The following B4GALNT4 variants were observed in gnomAD, a reference collection of about 807,000 sequenced individuals.
B4GALNT4 encodes beta-1,4-N-acetyl-galactosaminyltransferase 4.
Under a neutral mutation model 110.0 loss-of-function variants are expected in B4GALNT4, and 77 were observed. That is an observed-to-expected ratio of 0.70 (90% CI 0.58 to 0.85). B4GALNT4 has a LOEUF of 0.85. Ranked by LOEUF, B4GALNT4 falls within the 40% of genes least tolerant of loss-of-function variation. B4GALNT4 has a pLI of 0.00. For missense variants in B4GALNT4, 1,575 were observed against 1,506.0 expected (o/e 1.05, Z -0.76); for synonymous variants, 785 against 655.5 (o/e 1.20, Z -3.02).
rs758821621 is a variant in B4GALNT4 at position 375,478 on chromosome 11, C to T, written c.801C>T (p.Pro267=). 3.2e-5 allele frequency: 52 copies of T among 1,611,890 alleles called. No individual in the cohort carries two copies. Among genetic ancestry groups the T allele is most frequent in the Middle Eastern group, 1.7e-4 (1 of 6,014 alleles). The change falls in exon 9 of 20, where the codon CCC becomes CCT. Residue 267 remains proline, a synonymous_variant. Transcript: ENST00000329962. ...HVEVGWRAFL[P]GLKFEVISSA... ...CCCCGCAGTGGCGAGCTTTCCTGCC[C>T]GGCCTGAAGTTCGAGGTCATCAGCT...
At position 376,877 on chromosome 11, in the gene B4GALNT4, C is replaced by T; in HGVS notation, c.1754C>T (p.Thr585Ile). 7.5e-7 allele frequency: 1 copy of T among 1,336,078 alleles called. No homozygotes were observed. The highest frequency in any genetic ancestry group is 9.6e-7 in the Non-Finnish European group (1 of 1,046,492). The allele number at this position is 1,336,078 out of a possible 1,614,324, so 82.8% of individuals were successfully genotyped here. A position where few individuals can be genotyped will look rare whatever the true frequency, so the allele number is the denominator to read the frequency against. ...CGCAGGACCGGCGGCCCCCAGGCCA[C>T]ACAGCCGAGGCCCCCAGCCCGGGCG... is the stretch of plus-strand genomic sequence containing the variant. ...HGRRTGGPQA[T>I]QPRPPARAQA... is the part of the protein sequence containing the mutation. Residue 585 changes from threonine to isoleucine, a missense_variant, in exon 14 of 20, where the codon ACA (threonine) becomes ATA (isoleucine). By Grantham distance (89) the Thr-to-Ile change is moderately conservative. Transcript: ENST00000329962.
chr11:371,424 A>C (rs1179529858), intron 1 of B4GALNT4, among the ~76,000 whole-genome samples: 1 of 152,142 alleles, frequency 6.6e-6, no homozygotes, highest in Non-Finnish European at 1.5e-5. Context: ...CTGAGGACCT[A>C]GACATCCCCA....
chr11:376,663 C>A lies in B4GALNT4; in HGVS notation c.1540C>A (p.Pro514Thr). The change falls in exon 14 of 20, where the codon CCG (proline) becomes ACG (threonine). Residue 514 changes from proline (P) to threonine (T), a missense_variant. Coordinates refer to ENST00000329962, the MANE Select transcript of B4GALNT4 (RefSeq NM_178537.5). ...GCTCTTCTTGGGCCGAGCTCCGCCC[C>A]CGCGCCCTGCAGTGGAGCAGCCGCC... ...LPLFLGRAPPPRPAVEQPPPK... is the reference protein window; with the variant it reads ...LPLFLGRAPPTRPAVEQPPPK... The A allele has an allele frequency of 7.0e-7, 1 of 1,429,750 alleles. No individual in the cohort carries two copies. The highest frequency in any genetic ancestry group is 9.1e-7 in the Non-Finnish European group (1 of 1,094,958). 88.6% of individuals were successfully genotyped at this position (1,429,750 alleles called of 1,614,324 possible). A position where few individuals can be genotyped will look rare whatever the true frequency, so the allele number is the denominator to read the frequency against.
Position 381,900 on chromosome 11 carries a change from G to A in B4GALNT4, c.*108G>A. Reference sequence around the variant, plus strand: ...CGGCAGGGCTGGTCAGAGGGGCACAGCCACCGCCTGTGCCTGCCCCTCTCT... The same window carrying A: ...CGGCAGGGCTGGTCAGAGGGGCACAACCACCGCCTGTGCCTGCCCCTCTCT... On this transcript the variant is annotated 3_prime_UTR_variant, in exon 20 of 20. Transcript: ENST00000329962. 7.7e-7 allele frequency: 1 copy of A among 1,303,364 alleles called. No homozygotes were observed. The highest frequency in any genetic ancestry group is 1.0e-6 in the Non-Finnish European group (1 of 1,000,098). The allele number at this position is 1,303,364 out of a possible 1,614,324, so 80.7% of individuals were successfully genotyped here. A position where few individuals can be genotyped will look rare whatever the true frequency, so the allele number is the denominator to read the frequency against.
chr11:373,128 A>G lies in B4GALNT4; in HGVS notation c.535+12A>G. The G allele has an allele frequency of 6.2e-7, 1 of 1,612,266 alleles. No homozygotes were observed. Among genetic ancestry groups the G allele is most frequent in the Middle Eastern group, 1.7e-4 (1 of 6,060 alleles). On this transcript the variant is annotated intron_variant, in intron 5 of 19. Transcript: ENST00000329962. ...CCCGGCGAGGGACGGTACGGGGGTG[A>G]GGGTGCCCCGGGGGAGGGGTGCCGT...
intron 15 of B4GALNT4, 56 bp downstream of exon 15, chr11:379,757 T>G (rs1846833593): frequency 6.6e-7 from 1 of 1,504,836 alleles, no homozygotes; most frequent in Non-Finnish European, 8.9e-7. Flanking sequence ...ACATGGACCC[T>G]AATGACTAGG....
Position 379,934 on chromosome 11 carries a change from G to T in B4GALNT4, c.2557G>T (p.Asp853Tyr), listed in dbSNP as rs1846838451. 1.9e-6 allele frequency: 3 copies of T among 1,611,690 alleles called. No homozygotes were observed. Among genetic ancestry groups the T allele is most frequent in the African/African-American group, 1.3e-5 (1 of 75,068 alleles). Residue 853 changes from aspartate (D) to tyrosine (Y), a missense_variant, in exon 16 of 20, where the codon GAC (aspartate) becomes TAC (tyrosine). By Grantham distance (160) the Asp-to-Tyr change is radical. Transcript: ENST00000329962. ...DMAALHARTGDSRFSVVLVDF... is the reference protein window; with the variant it reads ...DMAALHARTGYSRFSVVLVDF... The stretch of plus-strand genomic sequence containing the variant: ...GGCTGCGCTGCACGCGCGCACCGGG[G>T]ACTCGCGTTTCAGCGTCGTCCTGGT...
rs756436207 is a variant in B4GALNT4 at position 376,181 on chromosome 11, G to A, written c.1196+7G>A. 2.5e-6 allele frequency: 4 copies of A among 1,606,882 alleles called. No homozygotes were observed. The highest frequency in any genetic ancestry group is 2.2e-5 in the South Asian group (2 of 90,734). On this transcript the variant is annotated splice_region_variant and intron_variant, in intron 12 of 19. Transcript: ENST00000329962. ...CTCCGCTGTATCTGGAGAGGTGGGC[G>A]CGCGGCCGGGCTAATGCGGGGCGGG...
In B4GALNT4 at chr11:380,322, C is replaced by A. The variant is rs74444859; in HGVS notation, c.2746C>A (p.Leu916Met). ...DASSIVFLCD[L>M]HIHFPPNILD... ...CAGCAGCATCGTGTTCCTCTGCGAC[C>A]TGCACATCCACTTCCCACCCAACAT... The change falls in exon 18 of 20, where the codon CTG (leucine) becomes ATG (methionine). Residue 916 changes from leucine to methionine, a missense_variant. Leu to Met is a conservative substitution (Grantham distance 15, BLOSUM62 2). Transcript: ENST00000329962. 1 of 1,613,336 alleles carries A rather than the reference C, an allele frequency of 6.2e-7. No homozygotes were observed.
chr11:372,247 G>A (rs962142797), intron 2 of B4GALNT4, 35 bp downstream of exon 2: 9 of 1,535,712 alleles, frequency 5.9e-6, no homozygotes, highest in Non-Finnish European at 2.6e-6. Flanking sequence ...CGTGTGCACG[G>A]AGACGAGACC....
At position 369,716 on chromosome 11, in the gene B4GALNT4, C is replaced by A. The variant is rs1846574686; in HGVS notation, c.-88C>A. The A allele has an allele frequency of 3.0e-6, 2 of 658,448 alleles. No homozygotes were observed. Among genetic ancestry groups the A allele is most frequent in the Non-Finnish European group, 3.7e-6 (2 of 536,844 alleles). The allele number at this position is 658,448 out of a possible 1,614,324, so 40.8% of individuals were successfully genotyped here. On this transcript the variant is annotated 5_prime_UTR_variant, in exon 1 of 20. Transcript: ENST00000329962. ...GCCGCGGGCGCTGAGCGCGGCGGGGCGGGCCGGGGATGCGGCGCGGGGCGG... is the reference window on the plus strand; with the variant it reads ...GCCGCGGGCGCTGAGCGCGGCGGGGAGGGCCGGGGATGCGGCGCGGGGCGG...
rs1846575658 is a variant in B4GALNT4, at chr11:369,761, G to A, written c.-43G>A. On this transcript the variant is annotated 5_prime_UTR_variant, in exon 1 of 20. Coordinates refer to ENST00000329962, the MANE Select transcript of B4GALNT4 (RefSeq NM_178537.5). ...GGGCGGGCGGGGGCCGGGGGCTGCA[G>A]CGGCGCCGCTGAGCGCGGCCTGGGG... The A allele has an allele frequency of 5.3e-6, 5 of 950,916 alleles. No individual in the cohort carries two copies. The highest frequency in any genetic ancestry group is 6.2e-6 in the Non-Finnish European group (5 of 802,362). 58.9% of individuals were successfully genotyped at this position (950,916 alleles called of 1,614,324 possible).
At position 375,319 on chromosome 11, in the gene B4GALNT4, C is replaced by G. The variant is rs1190960584; in HGVS notation, c.784-142C>G. On this transcript the variant is annotated intron_variant, in intron 8 of 19. Transcript: ENST00000329962. ...CCCTGCTGCCCCTTCTTGGAACGCCCCGGACCCCTCTGCCATCTCCTCTCC... is the reference window on the plus strand; with the variant it reads ...CCCTGCTGCCCCTTCTTGGAACGCCGCGGACCCCTCTGCCATCTCCTCTCC... 16 of 877,008 alleles carry G rather than the reference C, an allele frequency of 1.8e-5. No individual in the cohort carries two copies. In the East Asian group the frequency reaches 2.7e-4, roughly 15 times the overall value. 54.3% of individuals were successfully genotyped at this position (877,008 alleles called of 1,614,324 possible).
Position 376,871 on chromosome 11 carries a change from A to G in B4GALNT4, c.1748A>G (p.Gln583Arg). The G allele has an allele frequency of 1.5e-6, 2 of 1,331,618 alleles. No individual in the cohort carries two copies. Among genetic ancestry groups the G allele is most frequent in the South Asian group, 2.0e-5 (1 of 50,574 alleles). 82.5% of individuals were successfully genotyped at this position (1,331,618 alleles called of 1,614,324 possible). A position where few individuals can be genotyped will look rare whatever the true frequency, so the allele number is the denominator to read the frequency against. The change falls in exon 14 of 20, where the codon CAG (glutamine) becomes CGG (arginine). Residue 583 changes from glutamine (Q) to arginine (R), a missense_variant. Transcript: ENST00000329962. Reference protein sequence around the residue: ...RPHGRRTGGPQATQPRPPARA... With the variant: ...RPHGRRTGGPRATQPRPPARA... Reference sequence around the variant, plus strand: ...CACGGCCGCAGGACCGGCGGCCCCCAGGCCACACAGCCGAGGCCCCCAGCC... The same window carrying G: ...CACGGCCGCAGGACCGGCGGCCCCCGGGCCACACAGCCGAGGCCCCCAGCC...
intron 2 of B4GALNT4, 77 bp from the exon 3 acceptor site, chr11:372,585 G>T: frequency 8.0e-7 from 1 of 1,243,372 alleles, no homozygotes. Context: ...AGGGGTCTTT[G>T]TGAAGGTTTG....
At position 379,656 on chromosome 11, in the gene B4GALNT4, C is replaced by A; in HGVS notation, c.2443C>A (p.Arg815Ser). The A allele has an allele frequency of 1.3e-6, 2 of 1,504,578 alleles. No homozygotes were observed. Among genetic ancestry groups the A allele is most frequent in the Non-Finnish European group, 1.8e-6 (2 of 1,130,956 alleles). The allele number at this position is 1,504,578 out of a possible 1,614,324, so 93.2% of individuals were successfully genotyped here. ...DGRPELCRPL[R>S]LAWRQDVMVH... The stretch of plus-strand genomic sequence containing the variant: ...CCGCCCCGAGCTCTGCCGGCCACTG[C>A]GCCTGGCCTGGCGCCAGGACGTGAT... Residue 815 changes from arginine to serine, a missense_variant, in exon 15 of 20, where the codon CGC becomes AGC. Coordinates refer to ENST00000329962, the MANE Select transcript of B4GALNT4 (RefSeq NM_178537.5).
intron 19 of B4GALNT4, among the ~76,000 whole-genome samples, chr11:381,314 C>T (rs966591339): frequency 1.3e-5 from 2 of 151,068 alleles, no homozygotes; most frequent in Non-Finnish European, 1.5e-5. Flanking sequence ...CCCCCGGCCC[C>T]GGGGTCCTGA....
Position 381,784 on chromosome 11 carries a change from G to C in B4GALNT4, c.3112G>C (p.Ala1038Pro). 2 of 1,579,896 alleles carry C rather than the reference G, an allele frequency of 1.3e-6. No homozygotes were observed. Among genetic ancestry groups the C allele is most frequent in the Non-Finnish European group, 1.7e-6 (2 of 1,166,712 alleles). Residue 1038 changes from alanine (A) to proline (P), a missense_variant, in exon 20 of 20, where the codon GCG becomes CCG. Coordinates refer to ENST00000329962, the MANE Select transcript of B4GALNT4 (RefSeq NM_178537.5). ...VRSRKGSRTG[A>P]S ...CAGCAGGAAGGGCTCTCGCACGGGG[G>C]CGTCTTGAGGACGGGCAGCCCCTCC...
chr11:372,972 C>T (rs373480799), intron 4 of B4GALNT4, 25 bp downstream of exon 4: 284 of 1,182,654 alleles, frequency 2.4e-4, no homozygotes, highest in Non-Finnish European at 3.1e-4. Context: ...TGGGGGGTGC[C>T]GGGTGGGCAG....
Sources: gnomAD v4.1 joint callset for allele counts (sites outside exome capture counted in the v4.1 genomes callset) on GRCh38, gnomAD v4.1.1 for gene constraint, MANE v1.5 for transcripts, NCBI Gene and HGNC (gene_info 2026-07-23, HGNC 2026-07-21) for gene names.